The following CDC25C variants were observed in gnomAD, a reference collection of about 807,000 sequenced individuals.
CDC25C encodes cell division cycle 25C.
Under a neutral mutation model 52.5 loss-of-function variants are expected in CDC25C, and 48 were observed. That is an observed-to-expected ratio of 0.91 (90% CI 0.72 to 1.16). CDC25C has a LOEUF of 1.16. CDC25C is among the 50% of genes most tolerant of loss of function. The pLI is 0.00. For missense variants in CDC25C, 510 were observed against 566.1 expected (o/e 0.90, Z 1.01); for synonymous variants, 187 against 206.5 (o/e 0.91, Z 0.81).
intron 7 of CDC25C, among the ~76,000 whole-genome samples, chr5:138,304,569 G>A (rs999021284): frequency 4.0e-5 from 6 of 150,552 alleles, no homozygotes; most frequent in South Asian, 2.1e-4. Context: ...GCAGTGGCAC[G>A]ATCATGGCTC....
Position 138,286,053 on chromosome 5 carries a change from C to T in CDC25C, c.1241G>A (p.Gly414Asp), listed in dbSNP as rs370578261. ...LYYPELYILK[G>D]GYRDFFPEYM... ...TTCTGGAAAGAAGTCTCTGTAGCCG[C>T]CTTTAAGGATATATAGCTCTGGGTA... is the stretch of plus-strand genomic sequence containing the variant. The change falls in exon 13 of 14, where the codon GGC (glycine) becomes GAC (aspartate). Residue 414 changes from glycine to aspartate, a missense_variant. By Grantham distance (94) the Gly-to-Asp change is moderately conservative. Coordinates refer to ENST00000323760, the MANE Select transcript of CDC25C (RefSeq NM_001790.5). 2.2e-5 allele frequency: 35 copies of T among 1,613,860 alleles called. No homozygotes were observed. The African/African-American group carries it at 4.4e-4, about 20-fold the overall frequency.
At chr5:138,289,471 AC>A (rs1350918899) in intron 10 of CDC25C, 29 bp downstream of exon 10, 1 of 1,543,386 alleles carries the variant, frequency 6.5e-7, no homozygotes, top group South Asian at 1.1e-5. Context: ...AGCTTATGTA[AC>A]CAGTTACCAT....
At chr5:138,336,545 G>T (rs1187669189), upstream of CDC25C, among the ~76,000 whole-genome samples, 1 of 152,178 alleles carries the variant, frequency 6.6e-6, no homozygotes, top group Non-Finnish European at 1.5e-5. Context: ...AATATGCTGG[G>T]CATGGTGGCA....
exon 1 of CDC25C, chr5:138,338,270 C>T (rs757076126): frequency 7.3e-6 from 7 of 963,430 alleles, no homozygotes; most frequent in Non-Finnish European, 1.0e-5. Context: ...GCGCTCAGAG[C>T]TGCTCCGGCC....
chr5:138,292,673 T>C (rs558773614), intron 7 of CDC25C, among the ~76,000 whole-genome samples: 2 of 152,112 alleles, frequency 1.3e-5, no homozygotes, highest in South Asian at 4.1e-4. Flanking sequence ...GGATGGATAC[T>C]ATGAAACCCA....
At chr5:138,311,128 A>G (rs532702753) in intron 7 of CDC25C, among the ~76,000 whole-genome samples, 31 of 152,306 alleles carry the variant, frequency 2.0e-4, no homozygotes, top group African/African-American at 5.1e-4. Context: ...TGGATTTTAC[A>G]TTCCCACCAG....
At chr5:138,297,077 A>AT (rs1486529320) in intron 7 of CDC25C, among the ~76,000 whole-genome samples, 20 of 147,650 alleles carry the variant, frequency 1.4e-4, no homozygotes, top group Non-Finnish European at 2.5e-4. Context: ...CGCCAGGCTA[A>AT]TTTTTTTGTA....
At chr5:138,327,905 C>T (rs942031249) in intron 4 of CDC25C, among the ~76,000 whole-genome samples, 21 of 151,072 alleles carry the variant, frequency 1.4e-4, no homozygotes, top group Non-Finnish European at 3.1e-4. Flanking sequence ...CTCGCTCTGT[C>T]GCCCAGGCTG....
At chr5:138,316,725 G>C (rs973125956) in intron 7 of CDC25C, among the ~76,000 whole-genome samples, 1 of 152,136 alleles carries the variant, frequency 6.6e-6, no homozygotes, top group Non-Finnish European at 1.5e-5. Context: ...GAGCTATGCT[G>C]TCTGCTGAAA....
intron 7 of CDC25C, among the ~76,000 whole-genome samples, chr5:138,317,682 TAAA>T (rs70982706): frequency 1.8e-5 from 1 of 54,262 alleles, no homozygotes; most frequent in African/African-American, 7.7e-5. Context: ...CCTGTCTATC[TAAA>T]AAAAAAAAAA....
chr5:138,300,522 T>A (rs1168591650), intron 7 of CDC25C, among the ~76,000 whole-genome samples: 1 of 151,694 alleles, frequency 6.6e-6, no homozygotes, highest in Non-Finnish European at 1.5e-5. Context: ...GTGATTGTGC[T>A]ACTGCAGTCC....
chr5:138,312,600 C>CA (rs929688723), intron 7 of CDC25C, among the ~76,000 whole-genome samples: 37 of 151,960 alleles, frequency 2.4e-4, no homozygotes, highest in Middle Eastern at 3.4e-3. Context: ...AGTTACAAAA[C>CA]AAAAAAACCC....
At chr5:138,323,121 A>G (rs899351924) in intron 6 of CDC25C, among the ~76,000 whole-genome samples, 1 of 150,880 alleles carries the variant, frequency 6.6e-6, no homozygotes, top group African/African-American at 2.4e-5. Context: ...TAGTAGAGAC[A>G]GGGTTTTGCC....
intron 7 of CDC25C, among the ~76,000 whole-genome samples, chr5:138,306,655 T>C (rs1331003512): frequency 6.6e-6 from 1 of 152,030 alleles, no homozygotes; most frequent in Non-Finnish European, 1.5e-5. Context: ...TGTGTATTTT[T>C]AGTAAAGACG....
chr5:138,286,188 AG>A (rs958677023), intron 12 of CDC25C, 55 bp from the exon 13 acceptor site: 25 of 1,370,548 alleles, frequency 1.8e-5, no homozygotes, highest in Non-Finnish European at 2.5e-5. Context: ...TCAGGATCCC[AG>A]GGGCCATTCA....
chr5:138,323,079 G>A (rs1365893401), intron 6 of CDC25C, among the ~76,000 whole-genome samples: 1 of 150,166 alleles, frequency 6.7e-6, no homozygotes, highest in Admixed American at 6.7e-5. Context: ...TCTCAGCCAG[G>A]TGCCACCACG....
chr5:138,290,543 G>A (rs1756620473), intron 9 of CDC25C, 96 bp downstream of exon 9: 1 of 731,414 alleles, frequency 1.4e-6, no homozygotes. Context: ...AGTACTTGGT[G>A]AGGATGCATA....
upstream of CDC25C, among the ~76,000 whole-genome samples, chr5:138,335,775 T>G (rs141582566): frequency 7.2e-3 from 1,097 of 151,696 alleles, 11 homozygotes; most frequent in African/African-American, 8.9e-3. Context: ...AGGGTTTTTT[T>G]TTTTGTTTTG....
intron 6 of CDC25C, among the ~76,000 whole-genome samples, chr5:138,323,003 T>C (rs1044710630): frequency 6.6e-6 from 1 of 151,924 alleles, no homozygotes; most frequent in Admixed American, 6.6e-5. Context: ...TTCACTGCAC[T>C]GGAGTGCAGT....
Sources: allele counts gnomAD v4.1 joint callset (sites outside exome capture counted in the v4.1 genomes callset), GRCh38; gene constraint gnomAD v4.1.1; transcripts MANE v1.5; gene names NCBI Gene and HGNC (gene_info 2026-07-23, HGNC 2026-07-21).